Variants in CTNND2 observed in about 807,000 individuals in gnomAD.
CTNND2 encodes the protein catenin delta 2, also known as catenin delta-2.
CTNND2 carries 22 observed loss-of-function variants against 144.4 expected under a neutral mutation model. The ratio of observed to expected loss-of-function variants is 0.15; its 90% CI spans 0.11 to 0.22. The LOEUF is 0.22. Among genes scored for constraint, CTNND2 ranks in the 10% least tolerant of loss-of-function variants. The probability of loss-of-function intolerance (pLI) is 1.00; values close to 1 mark genes in which losing one functional copy is unlikely to be tolerated. For synonymous variants in CTNND2, 751 were observed against 695.6 expected (o/e 1.08, Z -1.25); for missense variants, 1,353 against 1,618.8 (o/e 0.84, Z 2.82).
chr5:11,738,340 A>G (rs1224718768), intron 1 of CTNND2, among the ~76,000 whole-genome samples: 1 of 152,248 alleles, frequency 6.6e-6, no homozygotes, highest in East Asian at 1.9e-4. Context: ...TAACAGCAAA[A>G]GCAGTTAGGC....
intron 3 of CTNND2, among the ~76,000 whole-genome samples, chr5:11,504,052 A>G (rs745881235): frequency 5.3e-5 from 8 of 152,276 alleles, no homozygotes; most frequent in Non-Finnish European, 7.3e-5. Flanking sequence ...CGTACAAAAC[A>G]TAGAGAGTGC....
intron 16 of CTNND2, among the ~76,000 whole-genome samples, chr5:11,031,583 G>C (rs1743479679): frequency 7.2e-5 from 11 of 152,128 alleles, no homozygotes; most frequent in Admixed American, 7.2e-4. Context: ...CGGTGGGCTG[G>C]TAAAGTAGTG....
chr5:11,703,266 T>C (rs1367068415), intron 2 of CTNND2, among the ~76,000 whole-genome samples: 1 of 152,250 alleles, frequency 6.6e-6, no homozygotes, highest in East Asian at 1.9e-4. Flanking sequence ...CAATGAAACA[T>C]ACATCCAGTT....
chr5:11,019,903 G>A (rs932065491), intron 17 of CTNND2, among the ~76,000 whole-genome samples: 5 of 152,216 alleles, frequency 3.3e-5, no homozygotes, highest in African/African-American at 1.2e-4. Context: ...AGATGAACAT[G>A]ATAGAATGTC....
At chr5:11,233,970 C>A (rs142022097) in intron 10 of CTNND2, among the ~76,000 whole-genome samples, 1 of 152,238 alleles carries the variant, frequency 6.6e-6, no homozygotes, top group African/African-American at 2.4e-5. Flanking sequence ...TCCCAGGTCC[C>A]CTGGGAACAT....
At chr5:11,273,554 C>T (rs917276340) in intron 9 of CTNND2, among the ~76,000 whole-genome samples, 1 of 152,176 alleles carries the variant, frequency 6.6e-6, no homozygotes, top group African/African-American at 2.4e-5. Context: ...TTGGGCTTTT[C>T]GGTCACTGAA....
chr5:11,583,213 G>C (rs1778574708), intron 2 of CTNND2, among the ~76,000 whole-genome samples: 1 of 152,176 alleles, frequency 6.6e-6, no homozygotes, highest in African/African-American at 2.4e-5. Context: ...TCTGACACCA[G>C]TAATTCACAT....
Position 10,984,191 on chromosome 5 carries a change from G to C in CTNND2, c.3344-2345C>G, listed in dbSNP as rs552455159. The stretch of plus-strand genomic sequence containing the variant: ...CTGCCTTCCTCTTCCAGAGCAGAAG[G>C]CCCTTGAGAGAGAAACAGTCTGTCC... On this transcript the variant is annotated intron_variant, in intron 20 of 21. Transcript: ENST00000304623. 2.0e-5 allele frequency among the ~76,000 whole-genome samples: 3 copies of C among 152,244 alleles called. No homozygotes were observed. The East Asian group carries it at 5.8e-4, about 29-fold the overall frequency.
chr5:11,557,363 G>A (rs1776311013), intron 3 of CTNND2, among the ~76,000 whole-genome samples: 1 of 152,050 alleles, frequency 6.6e-6, no homozygotes, highest in Admixed American at 6.6e-5. Flanking sequence ...AGGTTCTGGG[G>A]AATCATCCCC....
intron 10 of CTNND2, among the ~76,000 whole-genome samples, chr5:11,227,689 G>A (rs1740507660): frequency 6.6e-6 from 1 of 152,124 alleles, no homozygotes; most frequent in Admixed American, 6.5e-5. Context: ...GGAATAAAAA[G>A]TTATGGGGGA....
chr5:11,584,108 C>T (rs1282296499), intron 2 of CTNND2, among the ~76,000 whole-genome samples: 2 of 152,106 alleles, frequency 1.3e-5, no homozygotes, highest in Non-Finnish European at 2.9e-5. Flanking sequence ...GAAGAGATTC[C>T]ATTAATGCTG....
intron 2 of CTNND2, among the ~76,000 whole-genome samples, chr5:11,707,743 A>G (rs551105935): frequency 6.6e-6 from 1 of 152,232 alleles, no homozygotes; most frequent in Admixed American, 6.5e-5. Flanking sequence ...TTTGTAAGCC[A>G]ATATTTTAGA....
intron 12 of CTNND2, among the ~76,000 whole-genome samples, chr5:11,129,862 G>T (rs572217232): frequency 1.6e-4 from 24 of 152,138 alleles, no homozygotes; most frequent in Non-Finnish European, 2.2e-4. Flanking sequence ...AGTATTACCC[G>T]CATTAGGATT....
chr5:11,451,530 T>G (rs1343952902), intron 3 of CTNND2, among the ~76,000 whole-genome samples: 1 of 152,228 alleles, frequency 6.6e-6, no homozygotes, highest in Admixed American at 6.5e-5. Flanking sequence ...CCTTGGAGCA[T>G]TTTGGATTTC....
At chr5:11,648,609 AT>A (rs536208073) in intron 2 of CTNND2, among the ~76,000 whole-genome samples, 9 of 152,000 alleles carry the variant, frequency 5.9e-5, no homozygotes, top group South Asian at 2.1e-4. Flanking sequence ...ATAAAGTTAC[AT>A]TTTTTTCCAA....
At chr5:11,323,735 C>A (rs576878400) in intron 9 of CTNND2, among the ~76,000 whole-genome samples, 1 of 152,258 alleles carries the variant, frequency 6.6e-6, no homozygotes, top group East Asian at 1.9e-4. Flanking sequence ...GGCAAGACTG[C>A]AATTACATTT....
intron 1 of CTNND2, among the ~76,000 whole-genome samples, chr5:11,786,467 T>G (rs751098895): frequency 2.0e-5 from 3 of 152,212 alleles, no homozygotes; most frequent in African/African-American, 7.2e-5. Context: ...GAAAACTAGA[T>G]GCTACTGATT....
intron 2 of CTNND2, among the ~76,000 whole-genome samples, chr5:11,703,366 T>C (rs75502818): frequency 0.042 from 6,442 of 152,196 alleles, 419 homozygotes; most frequent in African/African-American, 0.14. Flanking sequence ...AGGAAAACAG[T>C]GTTCTTACAG....
Position 11,551,124 on chromosome 5 carries a change from G to C in CTNND2, c.287+13820C>G, listed in dbSNP as rs114112505. On this transcript the variant is annotated intron_variant, in intron 3 of 21. Transcript: ENST00000304623. ...TATTGCCTACTCAGCAACGTGCAAA[G>C]TCTCTAGCTGGATGTGCAGTACGTG... Among the ~76,000 whole-genome samples, 400 of 152,262 alleles carry C rather than the reference G, an allele frequency of 2.6e-3. 2 individuals are homozygous for C. Among genetic ancestry groups the C allele is most frequent in the African/African-American group, 9.2e-3 (383 of 41,564 alleles).
Sources: allele counts gnomAD v4.1 joint callset (sites outside exome capture counted in the v4.1 genomes callset), GRCh38; gene constraint gnomAD v4.1.1; transcripts MANE v1.5; gene names NCBI Gene and HGNC (gene_info 2026-07-23, HGNC 2026-07-21).